Variants in KIAA0319 observed in about 807,000 individuals in gnomAD.
KIAA0319 encodes KIAA0319, also known as dyslexia-associated protein KIAA0319.
A neutral mutation model predicts 108.4 loss-of-function variants in KIAA0319; 83 were observed. The observed-to-expected ratio is 0.77, with a 90% CI of 0.64 to 0.92. KIAA0319 has a LOEUF of 0.92. Among genes scored for constraint, KIAA0319 ranks in the 40% least tolerant of loss-of-function variants. The pLI, the probability that KIAA0319 is intolerant of heterozygous loss-of-function variation, is 0.00. For missense variants in KIAA0319, 1,195 were observed against 1,322.4 expected (o/e 0.90, Z 1.49); for synonymous variants, 484 against 510.4 (o/e 0.95, Z 0.70).
intron 1 of KIAA0319, among the ~76,000 whole-genome samples, chr6:24,642,237 G>C (rs965792071): frequency 3.5e-5 from 5 of 143,584 alleles, no homozygotes; most frequent in African/African-American, 1.3e-4. Context: ...GAAAGAGAAA[G>C]AAAAAAAGAA....
intron 18 of KIAA0319, among the ~76,000 whole-genome samples, chr6:24,555,626 A>G: frequency 6.6e-6 from 1 of 152,092 alleles, no homozygotes; most frequent in Non-Finnish European, 1.5e-5. Context: ...TTTGGCAGTC[A>G]GCTCTTACTA....
chr6:24,554,642 A>G lies in KIAA0319; in HGVS notation c.2858-11T>C. 2 of 1,566,694 alleles carry G rather than the reference A, an allele frequency of 1.3e-6. No homozygotes were observed. Among genetic ancestry groups the G allele is most frequent in the Non-Finnish European group, 1.8e-6 (2 of 1,138,604 alleles). Reference sequence around the variant, plus strand: ...AGAATATACTCCACTCTGAAACACAAGAAAACCAAAGTGGACATAGTTACA... The same window carrying G: ...AGAATATACTCCACTCTGAAACACAGGAAAACCAAAGTGGACATAGTTACA... On this transcript the variant is annotated splice_polypyrimidine_tract_variant and intron_variant, in intron 18 of 20. Transcript: ENST00000378214.
intron 3 of KIAA0319, among the ~76,000 whole-genome samples, chr6:24,595,058 G>T (rs1769246897): frequency 6.6e-6 from 1 of 152,130 alleles, no homozygotes. Flanking sequence ...GCTTTTTCAT[G>T]GAACGTTTTA....
chr6:24,583,625 C>CA lies in KIAA0319; in HGVS notation c.1071dup (p.Val358CysfsTer14). ...TCACCTACAGGTGGCGCTGGCGCAACAAAGGCCTTCAGTTCAACTTCATTG... is the reference window on the plus strand; with the variant it reads ...TCACCTACAGGTGGCGCTGGCGCAACAAAAGGCCTTCAGTTCAACTTCATTG... On this transcript the variant is annotated frameshift_variant, in exon 5 of 21. Transcript: ENST00000378214. LOFTEE classifies it high-confidence loss of function. The CA allele has an allele frequency of 3.1e-6, 5 of 1,613,548 alleles. No individual in the cohort carries two copies. Among genetic ancestry groups the CA allele is most frequent in the Non-Finnish European group, 4.2e-6 (5 of 1,179,554 alleles).
At chr6:24,564,925 T>C (rs1420437646) in intron 14 of KIAA0319, among the ~76,000 whole-genome samples, 1 of 152,192 alleles carries the variant, frequency 6.6e-6, no homozygotes, top group Non-Finnish European at 1.5e-5. Context: ...TCTAGTTGAA[T>C]AGTGTTAATT....
At chr6:24,642,027 G>T (rs1191042241) in intron 1 of KIAA0319, among the ~76,000 whole-genome samples, 7 of 137,878 alleles carry the variant, frequency 5.1e-5, no homozygotes, top group Non-Finnish European at 7.9e-5. Context: ...AAGAGAAGGG[G>T]AGGGGAGGGG....
intron 3 of KIAA0319, among the ~76,000 whole-genome samples, chr6:24,589,756 C>A (rs1582099432): frequency 6.6e-6 from 1 of 152,202 alleles, no homozygotes; most frequent in East Asian, 1.9e-4. Flanking sequence ...TATTTTGTTA[C>A]AGCAGCACAA....
At chr6:24,575,101 C>T (rs1765272504) in intron 10 of KIAA0319, among the ~76,000 whole-genome samples, 1 of 152,226 alleles carries the variant, frequency 6.6e-6, no homozygotes, top group Admixed American at 6.5e-5. Flanking sequence ...ATAAAAGGGT[C>T]TGATTCACAG....
intron 16 of KIAA0319, among the ~76,000 whole-genome samples, chr6:24,560,906 G>T (rs932094148): frequency 6.6e-6 from 1 of 152,228 alleles, no homozygotes; most frequent in East Asian, 1.9e-4. Flanking sequence ...TTGGTGGGGG[G>T]CAGGGGGTGG....
intron 11 of KIAA0319, among the ~76,000 whole-genome samples, chr6:24,571,709 G>T (rs568665587): frequency 3.3e-5 from 5 of 152,016 alleles, no homozygotes. Context: ...TGGCGCCCAC[G>T]CATACTGTTC....
In KIAA0319 at chr6:24,563,504, C is replaced by T; in HGVS notation, c.2446G>A (p.Gly816Ser). 6.2e-7 allele frequency: 1 copy of T among 1,610,852 alleles called. No homozygotes were observed. The highest frequency in any genetic ancestry group is 8.5e-7 in the Non-Finnish European group (1 of 1,179,278). ...ACCTGCAGGGTCAGCTCCACCAGGC[C>T]ACTCTTCCTAGGGTCTGGGGAAAGA... Reference protein sequence around the residue: ...VEVQPDPRKSGLVELTLQVGV... With the variant: ...VEVQPDPRKSSLVELTLQVGV... The change falls in exon 16 of 21, where the codon GGC (glycine) becomes AGC (serine). Residue 816 changes from glycine to serine, a missense_variant. By Grantham distance (56) the Gly-to-Ser change is moderately conservative. Coordinates refer to ENST00000378214, the MANE Select transcript of KIAA0319 (RefSeq NM_014809.4).
At chr6:24,542,015 C>G (rs1163304251), downstream of KIAA0319, among the ~76,000 whole-genome samples, 2 of 152,198 alleles carry the variant, frequency 1.3e-5, no homozygotes. Context: ...TAACACACAT[C>G]TGTAATCCCA....
intron 20 of KIAA0319, among the ~76,000 whole-genome samples, chr6:24,551,103 C>A (rs699462): frequency 6.6e-6 from 1 of 151,826 alleles, no homozygotes; most frequent in Non-Finnish European, 1.5e-5. Flanking sequence ...CTCAGCCTCC[C>A]GAATAGCTGG....
chr6:24,545,573 G>C lies in KIAA0319; in HGVS notation c.*1592C>G, dbSNP rs993964169. 2 of 152,036 alleles carry C rather than the reference G, an allele frequency of 1.3e-5. No homozygotes were observed. Among genetic ancestry groups the C allele is most frequent in the Non-Finnish European group, 1.5e-5 (1 of 68,014 alleles). The allele number at this position is 152,036 out of a possible 1,614,324, so 9.4% of individuals were successfully genotyped here. On this transcript the variant is annotated 3_prime_UTR_variant, in exon 21 of 21. Coordinates refer to ENST00000378214, the MANE Select transcript of KIAA0319 (RefSeq NM_014809.4). ...TCCTTCTAACACTATAGACAGTATT[G>C]AATTGGCTAGTTATACAGAAAGTGT...
chr6:24,546,933 T>G lies in KIAA0319; in HGVS notation c.*232A>C. 1 of 459,802 alleles carries G rather than the reference T, an allele frequency of 2.2e-6. No homozygotes were observed. Among genetic ancestry groups the G allele is most frequent in the Non-Finnish European group, 3.9e-6 (1 of 255,022 alleles). The allele number at this position is 459,802 out of a possible 1,614,324, so 28.5% of individuals were successfully genotyped here. Reference sequence around the variant, plus strand: ...AAAACTCAAAACTCTTTTAAGTATATACCTTAGAGTTTTACCCAGCCTTTA... The same window carrying G: ...AAAACTCAAAACTCTTTTAAGTATAGACCTTAGAGTTTTACCCAGCCTTTA... On this transcript the variant is annotated 3_prime_UTR_variant, in exon 21 of 21. Transcript: ENST00000378214.
intron 1 of KIAA0319, among the ~76,000 whole-genome samples, chr6:24,634,744 AG>A (rs1213404947): frequency 6.6e-6 from 1 of 152,274 alleles, no homozygotes; most frequent in East Asian, 1.9e-4. Context: ...TATCTAATAC[AG>A]GTCTCAATCA....
intron 1 of KIAA0319, among the ~76,000 whole-genome samples, chr6:24,626,991 G>A (rs563662369): frequency 2.6e-5 from 4 of 152,270 alleles, no homozygotes; most frequent in South Asian, 4.2e-4. Flanking sequence ...TCTAGAGTGA[G>A]TTATTGAACA....
intron 8 of KIAA0319, among the ~76,000 whole-genome samples, chr6:24,579,291 A>T (rs1469707464): frequency 6.6e-6 from 1 of 151,882 alleles, no homozygotes. Context: ...AATGAATTTT[A>T]AAAAACCACC....
At chr6:24,616,606 T>C (rs966100021) in intron 1 of KIAA0319, among the ~76,000 whole-genome samples, 1 of 152,144 alleles carries the variant, frequency 6.6e-6, no homozygotes, top group African/African-American at 2.4e-5. Context: ...CCCACCTCGG[T>C]CTCCCAAAGT....
Sources: allele counts gnomAD v4.1 joint callset (sites outside exome capture counted in the v4.1 genomes callset), GRCh38; gene constraint gnomAD v4.1.1; transcripts MANE v1.5; gene names NCBI Gene and HGNC (gene_info 2026-07-23, HGNC 2026-07-21).